HPSE2: variants seen among roughly 807,000 people sequenced by gnomAD.
The protein encoded by HPSE2 is heparanase 2 (inactive).
HPSE2 carries 38 observed loss-of-function variants against 60.5 expected under a neutral mutation model. That is an observed-to-expected ratio of 0.63 (90% CI 0.48 to 0.82). The LOEUF (loss-of-function observed/expected upper bound fraction) is 0.82, where lower values mean the gene tolerates loss of function less well. Ranked by LOEUF, HPSE2 falls within the 40% of genes least tolerant of loss-of-function variation. HPSE2 has a pLI of 0.00. For synonymous variants in HPSE2, 295 were observed against 293.2 expected (o/e 1.01, Z -0.06); for missense variants, 713 against 740.4 (o/e 0.96, Z 0.43).
chr10:98,872,902 C>T (rs1952771774), intron 3 of HPSE2, among the ~76,000 whole-genome samples: 1 of 151,980 alleles, frequency 6.6e-6, no homozygotes, highest in Admixed American at 6.6e-5. Flanking sequence ...AATTGAAGAC[C>T]CAAAGATTTA....
At chr10:98,557,087 C>T (rs1252756) in intron 9 of HPSE2, among the ~76,000 whole-genome samples, 6,985 of 151,986 alleles carry the variant, frequency 0.046, 163 homozygotes, top group South Asian at 0.082. Flanking sequence ...GTGGTGGGCG[C>T]CTGTAGTTCC....
chr10:98,626,112 AAAAAAG>A lies in HPSE2; in HGVS notation c.1099-5410_1099-5405del, dbSNP rs762989225. Among the ~76,000 whole-genome samples the A allele has an allele frequency of 8.4e-5, 8 of 95,564 alleles. No individual in the cohort carries two copies. The South Asian group carries it at 9.1e-4, about 11-fold the overall frequency. The allele number at this position is 95,564 out of a possible 152,430, so 62.7% of individuals were successfully genotyped here. A position where few individuals can be genotyped will look rare whatever the true frequency, so the allele number is the denominator to read the frequency against. ...CAGAGCGAGACTCCGTCTCAAAAAAAAAAAAGAAAAAGAAAAAAGAAAAAAGATGAA... is the reference window on the plus strand; with the variant it reads ...CAGAGCGAGACTCCGTCTCAAAAAAAAAAAAGAAAAAAGAAAAAAGATGAA... On this transcript the variant is annotated intron_variant, in intron 7 of 11. Transcript: ENST00000370552.
chr10:98,493,609 C>T lies in HPSE2; in HGVS notation c.1321-3413G>A, dbSNP rs569665635. Among the ~76,000 whole-genome samples the T allele has an allele frequency of 4.0e-5, 6 of 151,890 alleles. No individual in the cohort carries two copies. In the South Asian group the frequency reaches 1.0e-3, roughly 26 times the overall value. ...TTTTGTCTGATATTAATAAAGCTGC[C>T]CCTACTCTCTTTTGGTTACTATTTT... On this transcript the variant is annotated intron_variant, in intron 9 of 11. Coordinates refer to ENST00000370552, the MANE Select transcript of HPSE2 (RefSeq NM_021828.5).
chr10:98,840,536 G>A (rs1474198826), intron 3 of HPSE2, among the ~76,000 whole-genome samples: 1 of 152,184 alleles, frequency 6.6e-6, no homozygotes, highest in Non-Finnish European at 1.5e-5. Flanking sequence ...TGGGAACAGA[G>A]AAGACAGCAG....
chr10:99,066,581 T>C (rs1414957013), intron 3 of HPSE2, among the ~76,000 whole-genome samples: 1 of 152,120 alleles, frequency 6.6e-6, no homozygotes, highest in Admixed American at 6.5e-5. Flanking sequence ...AGATAACTTG[T>C]TCAGGGGAAC....
chr10:98,492,326 C>T (rs1941676581), intron 9 of HPSE2, among the ~76,000 whole-genome samples: 1 of 151,916 alleles, frequency 6.6e-6, no homozygotes, highest in East Asian at 1.9e-4. Context: ...CACGGTGAAA[C>T]CCGGTCTCTA....
intron 7 of HPSE2, among the ~76,000 whole-genome samples, chr10:98,634,574 C>T (rs1177854079): frequency 6.6e-6 from 1 of 152,122 alleles, no homozygotes; most frequent in Non-Finnish European, 1.5e-5. Flanking sequence ...ATCAAATAAG[C>T]AGGTAAACTG....
At chr10:99,067,422 T>C (rs550027525) in intron 3 of HPSE2, among the ~76,000 whole-genome samples, 8 of 152,324 alleles carry the variant, frequency 5.3e-5, no homozygotes, top group African/African-American at 1.9e-4. Flanking sequence ...GTTCCACCCC[T>C]GAAGCAAAAT....
At position 98,937,002 on chromosome 10, in the gene HPSE2, A is replaced by ACC. The variant is rs1564670627; in HGVS notation, c.611-192947_611-192946insGG. 2.4e-4 allele frequency among the ~76,000 whole-genome samples: 34 copies of ACC among 141,116 alleles called. 8 individuals are homozygous for ACC. Among genetic ancestry groups the ACC allele is most frequent in the African/African-American group, 9.7e-4 (33 of 34,038 alleles). 92.6% of individuals were successfully genotyped at this position (141,116 alleles called of 152,430 possible). A position where few individuals can be genotyped will look rare whatever the true frequency, so the allele number is the denominator to read the frequency against. On this transcript the variant is annotated intron_variant, in intron 3 of 11. Transcript: ENST00000370552. ...TCAAAAAAAAAAAAAAAAAAAAAAA[A>ACC]AAACAAGTTTTCCAACTTTTTGGAA...
intron 9 of HPSE2, among the ~76,000 whole-genome samples, chr10:98,585,063 T>C (rs751667813): frequency 1.9e-4 from 29 of 152,124 alleles, no homozygotes; most frequent in Non-Finnish European, 3.1e-4. Flanking sequence ...TTTCCAATAA[T>C]CTACCTACTC....
chr10:99,288,358 C>T, the HPSE2 span, among the ~76,000 whole-genome samples: 1 of 152,070 alleles, frequency 6.6e-6, no homozygotes, highest in Non-Finnish European at 1.5e-5. Flanking sequence ...TATTTATGTA[C>T]ATGATACAAA....
intron 3 of HPSE2, among the ~76,000 whole-genome samples, chr10:98,745,773 C>T (rs901096096): frequency 6.6e-6 from 1 of 152,080 alleles, no homozygotes; most frequent in African/African-American, 2.4e-5. Context: ...GAAGAGTTTA[C>T]GTTATCCTAG....
Position 99,064,393 on chromosome 10 carries a change from C to T in HPSE2, c.610+79845G>A, listed in dbSNP as rs144434952. Among the ~76,000 whole-genome samples, 459 of 152,184 alleles carry T rather than the reference C, an allele frequency of 3.0e-3. 2 individuals carry two copies. Among genetic ancestry groups the T allele is most frequent in the East Asian group, 0.024 (123 of 5,172 alleles). On this transcript the variant is annotated intron_variant, in intron 3 of 11. Transcript: ENST00000370552. ...TTATAATGTAATATTGGTTAGGATTCTAACTCATAAGCAGTGTAAGTTACT... is the reference window on the plus strand; with the variant it reads ...TTATAATGTAATATTGGTTAGGATTTTAACTCATAAGCAGTGTAAGTTACT...
chr10:99,257,727 A>G, the HPSE2 span, among the ~76,000 whole-genome samples: 6 of 151,968 alleles, frequency 3.9e-5, no homozygotes, highest in African/African-American at 1.5e-4. Flanking sequence ...GAAGTATGTG[A>G]TCTCTGTGAC....
At chr10:99,209,030 A>G (rs1848862678) in intron 2 of HPSE2, among the ~76,000 whole-genome samples, 1 of 152,236 alleles carries the variant, frequency 6.6e-6, no homozygotes, top group Admixed American at 6.5e-5. Flanking sequence ...CAAGGGAGTG[A>G]TAGACAAATA....
chr10:99,137,745 A>T (rs1198777107), intron 3 of HPSE2, among the ~76,000 whole-genome samples: 1 of 152,242 alleles, frequency 6.6e-6, no homozygotes, highest in East Asian at 1.9e-4. Context: ...TCAACTCAAG[A>T]TGGAACAAAT....
chr10:99,080,279 A>T (rs1843091325), intron 3 of HPSE2, among the ~76,000 whole-genome samples: 2 of 152,254 alleles, frequency 1.3e-5, no homozygotes, highest in Middle Eastern at 3.4e-3. Flanking sequence ...TAATGAGCCT[A>T]GTTTGAATTA....
intron 3 of HPSE2, among the ~76,000 whole-genome samples, chr10:98,891,228 C>A (rs918436106): frequency 2.6e-5 from 4 of 152,016 alleles, no homozygotes; most frequent in Admixed American, 2.6e-4. Context: ...CCAGTAAAAA[C>A]CATTTGAATA....
intron 3 of HPSE2, among the ~76,000 whole-genome samples, chr10:98,768,537 T>A (rs1950174366): frequency 6.6e-6 from 1 of 152,226 alleles, no homozygotes. Flanking sequence ...TTGATCATAT[T>A]TGATCTTGTA....
Sources: gnomAD v4.1 joint callset for allele counts (sites outside exome capture counted in the v4.1 genomes callset) on GRCh38, gnomAD v4.1.1 for gene constraint, MANE v1.5 for transcripts, NCBI Gene and HGNC (gene_info 2026-07-23, HGNC 2026-07-21) for gene names.